The following CTNNA2 variants were observed in gnomAD, a reference collection of about 807,000 sequenced individuals.
CTNNA2 encodes the protein catenin alpha-2.
A neutral mutation model predicts 101.0 loss-of-function variants in CTNNA2; 42 were observed. The ratio of observed to expected loss-of-function variants is 0.42; its 90% CI spans 0.32 to 0.54. The LOEUF is 0.54. CTNNA2 is among the 20% of genes least tolerant of loss of function. The probability of loss-of-function intolerance (pLI) is 0.14; values close to 1 mark genes in which losing one functional copy is unlikely to be tolerated. For synonymous variants in CTNNA2, 450 were observed against 456.4 expected (o/e 0.99, Z 0.18); for missense variants, 871 against 1,223.1 (o/e 0.71, Z 4.29).
chr2:79,246,371 C>T (rs557702362), intron 2 of CTNNA2, among the ~76,000 whole-genome samples: 8 of 152,278 alleles, frequency 5.3e-5, no homozygotes, highest in African/African-American at 1.9e-4. Context: ...TTCCTCCTGT[C>T]CTGAGTCCCT....
chr2:79,476,137 A>C (rs1333095081), intron 4 of CTNNA2, among the ~76,000 whole-genome samples: 1 of 152,232 alleles, frequency 6.6e-6, no homozygotes, highest in Non-Finnish European at 1.5e-5. Flanking sequence ...AAAAGGCAAA[A>C]GCAAGTGTGA....
intron 3 of CTNNA2, among the ~76,000 whole-genome samples, chr2:79,340,871 C>T (rs968692410): frequency 5.7e-5 from 6 of 105,574 alleles, no homozygotes; most frequent in African/African-American, 2.2e-4. Context: ...AAAAAAGAAA[C>T]ACATGAGTAC....
At chr2:79,681,963 G>T (rs568676321) in intron 2 of CTNNA2, among the ~76,000 whole-genome samples, 1 of 152,244 alleles carries the variant, frequency 6.6e-6, no homozygotes, top group South Asian at 2.1e-4. Context: ...CCTACGAAGT[G>T]GAGTTACCAT....
chr2:80,426,724 C>T lies in CTNNA2; in HGVS notation c.1290+7123C>T, dbSNP rs557509945. On this transcript the variant is annotated intron_variant, in intron 9 of 18. Coordinates refer to ENST00000402739, the MANE Select transcript of CTNNA2 (RefSeq NM_001282597.3). ...CCTTCTCTTCAGTCTTCAGGCTCACCGTCCTGTCCCCTCCTTCCTCCACCA... is the reference window on the plus strand; with the variant it reads ...CCTTCTCTTCAGTCTTCAGGCTCACTGTCCTGTCCCCTCCTTCCTCCACCA... Among the ~76,000 whole-genome samples the T allele has an allele frequency of 2.6e-5, 4 of 152,080 alleles. No homozygotes were observed. In the South Asian group the frequency reaches 6.2e-4, roughly 24 times the overall value.
intron 9 of CTNNA2, among the ~76,000 whole-genome samples, chr2:80,429,431 G>A (rs1460114644): frequency 6.6e-6 from 1 of 152,100 alleles, no homozygotes; most frequent in Non-Finnish European, 1.5e-5. Flanking sequence ...GAGTATCCCA[G>A]ACTCCAGAGA....
intron 7 of CTNNA2, among the ~76,000 whole-genome samples, chr2:80,292,870 G>A (rs1675386676): frequency 1.3e-5 from 2 of 152,146 alleles, no homozygotes; most frequent in South Asian, 4.1e-4. Context: ...CAGTTATAAT[G>A]TGGTTTCTCC....
intron 7 of CTNNA2, among the ~76,000 whole-genome samples, chr2:80,274,454 C>T (rs1673739762): frequency 6.6e-6 from 1 of 152,182 alleles, no homozygotes; most frequent in Non-Finnish European, 1.5e-5. Flanking sequence ...GGATCATATA[C>T]ACAGTGTATT....
At chr2:79,858,242 A>G (rs1681298441) in intron 4 of CTNNA2, 63 bp downstream of exon 4, 1 of 1,347,684 alleles carries the variant, frequency 7.4e-7, no homozygotes, top group Admixed American at 1.8e-5. Context: ...CGTGTGTATT[A>G]CAGCTCTGGC....
At chr2:80,603,193 T>C (rs1427256437) in intron 15 of CTNNA2, among the ~76,000 whole-genome samples, 1 of 152,222 alleles carries the variant, frequency 6.6e-6, no homozygotes, top group Admixed American at 6.5e-5. Flanking sequence ...ATGATAAACA[T>C]AATTTATTCT....
At chr2:80,607,354 C>T (rs111372747) in intron 16 of CTNNA2, among the ~76,000 whole-genome samples, 1,645 of 151,930 alleles carry the variant, frequency 0.011, 26 homozygotes, top group African/African-American at 0.036. Flanking sequence ...CTCAATTCCT[C>T]GGTAGCCATT....
intron 7 of CTNNA2, among the ~76,000 whole-genome samples, chr2:80,111,967 T>C (rs1391887970): frequency 1.3e-5 from 2 of 152,206 alleles, no homozygotes; most frequent in East Asian, 1.9e-4. Context: ...ACAGGTACTG[T>C]TCTAGGCACT....
At position 79,329,173 on chromosome 2, in the gene CTNNA2, C is replaced by T. The variant is rs1032775599; in HGVS notation, c.-318+16377C>T. On this transcript the variant is annotated intron_variant, in intron 3 of 21. Coordinates refer to the CTNNA2 transcript ENST00000466387. ...GAAATTTGGAAGGACACTATTCAGC[C>T]CAGTACAGTGCCTGAATGTTCAGTT... Among the ~76,000 whole-genome samples the T allele has an allele frequency of 4.6e-5, 7 of 152,154 alleles. No individual in the cohort carries two copies. In the East Asian group the frequency reaches 1.4e-3, roughly 29 times the overall value.
At chr2:80,043,816 G>A (rs923052470) in intron 7 of CTNNA2, among the ~76,000 whole-genome samples, 1 of 152,180 alleles carries the variant, frequency 6.6e-6, no homozygotes, top group African/African-American at 2.4e-5. Context: ...CCAGAGAAGT[G>A]AGGCTTTATT....
At chr2:79,472,251 G>A (rs938397194) in intron 4 of CTNNA2, among the ~76,000 whole-genome samples, 4 of 152,198 alleles carry the variant, frequency 2.6e-5, no homozygotes, top group African/African-American at 9.7e-5. Flanking sequence ...AGAACTGAAG[G>A]CTTGAGAATA....
intron 4 of CTNNA2, among the ~76,000 whole-genome samples, chr2:79,497,849 G>A (rs1671276130): frequency 6.6e-6 from 1 of 152,234 alleles, no homozygotes; most frequent in South Asian, 2.1e-4. Context: ...ATTTCAAGGT[G>A]CATTTGAATA....
chr2:79,284,775 C>A (rs1334172404), intron 2 of CTNNA2, among the ~76,000 whole-genome samples: 53 of 150,120 alleles, frequency 3.5e-4, no homozygotes, highest in African/African-American at 1.2e-3. Context: ...CTGGCCTCAT[C>A]AAATGAGTTA....
intron 2 of CTNNA2, among the ~76,000 whole-genome samples, chr2:79,221,942 A>C (rs1234928367): frequency 6.6e-6 from 1 of 152,124 alleles, no homozygotes; most frequent in Non-Finnish European, 1.5e-5. Flanking sequence ...CTGTGTGGCT[A>C]TATAGTACTA....
intron 3 of CTNNA2, among the ~76,000 whole-genome samples, chr2:79,772,019 CTCTT>C (rs1673627096): frequency 2.7e-5 from 4 of 150,856 alleles, no homozygotes; most frequent in Admixed American, 2.0e-4. Flanking sequence ...CCCTCCTCTC[CTCTT>C]CTTTTTTTTT....
intron 9 of CTNNA2, among the ~76,000 whole-genome samples, chr2:80,459,237 T>C (rs540876767): frequency 5.3e-5 from 8 of 152,214 alleles, no homozygotes; most frequent in African/African-American, 1.9e-4. Context: ...CAGTGATCCA[T>C]GAATTTAATT....
Sources: allele counts gnomAD v4.1 joint callset (sites outside exome capture counted in the v4.1 genomes callset), GRCh38; gene constraint gnomAD v4.1.1; transcripts MANE v1.5; gene names NCBI Gene and HGNC (gene_info 2026-07-23, HGNC 2026-07-21).